MDGA2: variants seen among roughly 807,000 people sequenced by gnomAD.
The protein encoded by MDGA2 is MAM domain containing glycosylphosphatidylinositol anchor 2, also known as MAM domain-containing glycosylphosphatidylinositol anchor protein 2.
A neutral mutation model predicts 117.8 loss-of-function variants in MDGA2; 40 were observed. The observed-to-expected ratio is 0.34, with a 90% confidence interval of 0.26 to 0.44. The LOEUF is 0.44. MDGA2 is among the 20% of genes least tolerant of loss of function. MDGA2 has a pLI of 1.00. For missense variants in MDGA2, 1,123 were observed against 1,250.6 expected (o/e 0.90, Z 1.54); for synonymous variants, 452 against 439.0 (o/e 1.03, Z -0.37).
At chr14:47,236,673 G>C (rs1886876423) in intron 2 of MDGA2, among the ~76,000 whole-genome samples, 1 of 152,196 alleles carries the variant, frequency 6.6e-6, no homozygotes, top group Non-Finnish European at 1.5e-5. Flanking sequence ...AGTGCCTTCT[G>C]AGAGCAGATA....
chr14:47,426,853 A>G (rs1385121166), intron 1 of MDGA2, among the ~76,000 whole-genome samples: 1 of 151,378 alleles, frequency 6.6e-6, no homozygotes, highest in Non-Finnish European at 1.5e-5. Flanking sequence ...TTTTCAGAGG[A>G]GGCAGGACAT....
chr14:47,667,570 T>G (rs1370831178), intron 1 of MDGA2, among the ~76,000 whole-genome samples: 1 of 152,176 alleles, frequency 6.6e-6, no homozygotes, highest in Non-Finnish European at 1.5e-5. Flanking sequence ...TACAACAAAG[T>G]TCTAGTGGCT....
At chr14:47,475,819 G>T (rs2138624577) in intron 1 of MDGA2, among the ~76,000 whole-genome samples, 1 of 152,266 alleles carries the variant, frequency 6.6e-6, no homozygotes, top group Admixed American at 6.5e-5. Context: ...ACACACTGGG[G>T]CCTGTCAGGG....
intron 1 of MDGA2, among the ~76,000 whole-genome samples, chr14:47,512,568 G>A (rs754849878): frequency 2.0e-5 from 3 of 152,004 alleles, no homozygotes; most frequent in Non-Finnish European, 2.9e-5. Context: ...TTGTTCTATC[G>A]ACATCATAAA....
At chr14:47,291,692 C>T (rs2139775871) in intron 2 of MDGA2, among the ~76,000 whole-genome samples, 1 of 152,300 alleles carries the variant, frequency 6.6e-6, no homozygotes, top group African/African-American at 2.4e-5. Context: ...CACTGCACCT[C>T]ATCACAAGGG....
chr14:47,158,841 C>G (rs1476030258), intron 3 of MDGA2, among the ~76,000 whole-genome samples: 1 of 152,194 alleles, frequency 6.6e-6, no homozygotes, highest in Non-Finnish European at 1.5e-5. Context: ...CACATACAGA[C>G]AGTGGAATAT....
At chr14:47,274,512 G>A (rs1317965917) in intron 2 of MDGA2, among the ~76,000 whole-genome samples, 1 of 151,854 alleles carries the variant, frequency 6.6e-6, no homozygotes, top group Non-Finnish European at 1.5e-5. Flanking sequence ...CCACTTTTTG[G>A]TACTATGAGC....
chr14:47,558,141 TAGAAAAA>T (rs1411749028), intron 1 of MDGA2, among the ~76,000 whole-genome samples: 1 of 152,102 alleles, frequency 6.6e-6, no homozygotes, highest in Non-Finnish European at 1.5e-5. Context: ...CCAGAGCACC[TAGAAAAA>T]AAGACTATGG....
chr14:46,918,862 C>T (rs1214566066), intron 10 of MDGA2, among the ~76,000 whole-genome samples: 6 of 150,824 alleles, frequency 4.0e-5, no homozygotes, highest in African/African-American at 9.8e-5. Context: ...CCCAGGTTCA[C>T]GCCATTCTCC....
chr14:47,354,199 T>C (rs530441159), intron 1 of MDGA2, among the ~76,000 whole-genome samples: 2 of 152,282 alleles, frequency 1.3e-5, no homozygotes, highest in African/African-American at 2.4e-5. Context: ...TCATAATCAA[T>C]AGTGAATATT....
intron 9 of MDGA2, among the ~76,000 whole-genome samples, chr14:46,944,839 A>G (rs914860433): frequency 1.3e-5 from 2 of 151,708 alleles, no homozygotes; most frequent in Non-Finnish European, 2.9e-5. Context: ...TGCTCACAAA[A>G]TCTGCATTTT....
intron 8 of MDGA2, among the ~76,000 whole-genome samples, chr14:47,024,756 C>A (rs1166818992): frequency 6.6e-6 from 1 of 152,080 alleles, no homozygotes; most frequent in Non-Finnish European, 1.5e-5. Flanking sequence ...TTTAAAATGT[C>A]TTAATGGTAT....
chr14:47,370,437 T>A (rs1369990273), intron 1 of MDGA2, among the ~76,000 whole-genome samples: 1 of 145,884 alleles, frequency 6.9e-6, no homozygotes, highest in East Asian at 2.1e-4. Context: ...TATCTGAATA[T>A]CTGAATTACT....
At chr14:47,403,653 G>T (rs2138468707) in intron 1 of MDGA2, among the ~76,000 whole-genome samples, 1 of 152,100 alleles carries the variant, frequency 6.6e-6, no homozygotes, top group Non-Finnish European at 1.5e-5. Flanking sequence ...TCATTTCCAT[G>T]ACCATCACCA....
chr14:47,506,994 C>CTT (rs34589993), intron 1 of MDGA2, among the ~76,000 whole-genome samples: 2 of 136,038 alleles, frequency 1.5e-5, no homozygotes, highest in African/African-American at 2.7e-5. Context: ...AGGCTGCTTA[C>CTT]TTTTTTTTTT....
chr14:47,210,437 C>T (rs929733584), intron 3 of MDGA2, among the ~76,000 whole-genome samples: 1 of 152,110 alleles, frequency 6.6e-6, no homozygotes, highest in East Asian at 1.9e-4. Flanking sequence ...GCCTCTATTA[C>T]CCTATGAACC....
intron 14 of MDGA2, among the ~76,000 whole-genome samples, chr14:46,861,890 T>G (rs905909098): frequency 6.6e-6 from 1 of 151,916 alleles, no homozygotes; most frequent in Non-Finnish European, 1.5e-5. Context: ...GTCATCTTGG[T>G]CAACAAAATT....
In MDGA2 at chr14:47,061,272, T is replaced by A; in HGVS notation, c.1502A>T (p.Asp501Val). Residue 501 changes from aspartate (D) to valine (V), a missense_variant, in exon 7 of 17, where the codon GAT (aspartate) becomes GTT (valine). By Grantham distance (152) the Asp-to-Val change is radical. Coordinates refer to ENST00000399232, the MANE Select transcript of MDGA2 (RefSeq NM_001113498.3). ...KGGGISDISIDVNISSSTVPP... is the reference protein window; with the variant it reads ...KGGGISDISIVVNISSSTVPP... ...ACCTGTGCTGCTGGATATATTAACA[T>A]CGATACTGATATCAGATATTCCTCC... 3 of 1,613,248 alleles carry A rather than the reference T, an allele frequency of 1.9e-6. No individual in the cohort carries two copies. The highest frequency in any genetic ancestry group is 2.5e-6 in the Non-Finnish European group (3 of 1,179,408).
chr14:47,119,808 C>G (rs1055610806), intron 5 of MDGA2, among the ~76,000 whole-genome samples: 1 of 152,080 alleles, frequency 6.6e-6, no homozygotes, highest in Non-Finnish European at 1.5e-5. Context: ...ATAAAGAACC[C>G]ATATTACCTG....
Sources: allele counts gnomAD v4.1 joint callset (sites outside exome capture counted in the v4.1 genomes callset), GRCh38; gene constraint gnomAD v4.1.1; transcripts MANE v1.5; gene names NCBI Gene and HGNC (gene_info 2026-07-23, HGNC 2026-07-21).